The following DYTN variants were observed in gnomAD, a reference collection of about 807,000 sequenced individuals.
DYTN encodes dystrotelin.
DYTN carries 75 observed loss-of-function variants against 69.6 expected under a neutral mutation model. The ratio of observed to expected loss-of-function variants is 1.08; its 90% confidence interval spans 0.89 to 1.31. The LOEUF is 1.31. Among genes scored for constraint, DYTN ranks in the 50% most tolerant of loss-of-function variants. DYTN has a pLI of 0.00. For missense variants in DYTN, 726 were observed against 688.4 expected (o/e 1.05, Z -0.61); for synonymous variants, 252 against 249.1 (o/e 1.01, Z -0.11).
chr2:206,687,875 T>C (rs2105895834), intron 9 of DYTN, among the ~76,000 whole-genome samples: 1 of 152,352 alleles, frequency 6.6e-6, no homozygotes. Context: ...TTGGTCATAG[T>C]AGTTTTATAG....
intron 10 of DYTN, 101 bp from the exon 11 acceptor site, chr2:206,663,496 A>G: frequency 7.8e-7 from 1 of 1,282,842 alleles, no homozygotes; most frequent in Middle Eastern, 2.5e-4. Context: ...CTAATGCAAG[A>G]CTTTTCTTTC....
At position 206,704,955 on chromosome 2, in the gene DYTN, G is replaced by A; in HGVS notation, c.383-12C>T. The A allele has an allele frequency of 6.2e-7, 1 of 1,606,180 alleles. No homozygotes were observed. The highest frequency in any genetic ancestry group is 8.5e-7 in the Non-Finnish European group (1 of 1,173,754). ...GAGTTGAAAAAGAGCTAGACATGTA[G>A]GAGGAACAATCTTTAAATTGAATAC... is the stretch of plus-strand genomic sequence containing the variant. On this transcript the variant is annotated splice_polypyrimidine_tract_variant and intron_variant, in intron 4 of 11. Transcript: ENST00000452335.
chr2:206,705,079 A>C (rs16838630), intron 4 of DYTN, 136 bp from the exon 5 acceptor site: 221,318 of 721,180 alleles, frequency 0.31, 35,343 homozygotes, highest in East Asian at 0.47. Flanking sequence ...ATTATTGGCT[A>C]GCTATTATGA....
At position 206,693,249 on chromosome 2, in the gene DYTN, C is replaced by T. The variant is rs749519170; in HGVS notation, c.906G>A (p.Lys302=). Reference sequence around the variant, plus strand: ...GCTGCTGCCTTCTCGCTGCTTCTTTCTTCCTACAGCGCCCCTGAAGAAGGT... The same window carrying T: ...GCTGCTGCCTTCTCGCTGCTTCTTTTTTCCTACAGCGCCCCTGAAGAAGGT... The part of the protein sequence containing the change: ...RNNLLQGRCR[K]KEAARRQQLL... Residue 302 remains lysine, a synonymous_variant, in exon 9 of 12, where the codon AAG becomes AAA. Transcript: ENST00000452335. The T allele has an allele frequency of 2.1e-5, 34 of 1,613,578 alleles. No homozygotes were observed. The Admixed American group carries it at 5.2e-4, about 25-fold the overall frequency.
chr2:206,662,434 A>G (rs1699521987), intron 11 of DYTN, among the ~76,000 whole-genome samples: 1 of 152,124 alleles, frequency 6.6e-6, no homozygotes, highest in South Asian at 2.1e-4. Context: ...GATCTTATCT[A>G]AAGCCTTCAG....
chr2:206,708,871 T>C (rs2105901881), intron 2 of DYTN, among the ~76,000 whole-genome samples: 1 of 152,360 alleles, frequency 6.6e-6, no homozygotes, highest in Non-Finnish European at 1.5e-5. Flanking sequence ...TCACTGTTTC[T>C]GATGCCAGAG....
At chr2:206,662,556 T>C (rs1250758277) in intron 11 of DYTN, among the ~76,000 whole-genome samples, 2 of 151,992 alleles carry the variant, frequency 1.3e-5, no homozygotes, top group Non-Finnish European at 2.9e-5. Flanking sequence ...ATTATCACCA[T>C]TTTTAAATGG....
chr2:206,673,296 C>T (rs896909423), intron 9 of DYTN, among the ~76,000 whole-genome samples: 2 of 152,118 alleles, frequency 1.3e-5, no homozygotes, highest in East Asian at 1.9e-4. Flanking sequence ...CTTGCTCTGT[C>T]GCCTAGGCTG....
In DYTN at chr2:206,699,874, A is replaced by C; in HGVS notation, c.572T>G (p.Ile191Ser). Reference protein sequence around the residue: ...SCFQGVLSPAIKEEKFLSWVQ... With the variant: ...SCFQGVLSPASKEEKFLSWVQ... ...CCAAGACAGGAATTTTTCTTCTTTG[A>C]TTGCTGGGCTCAACACCTGAAAAAC... Residue 191 changes from isoleucine (I) to serine (S), a missense_variant, in exon 7 of 12, where the codon ATC (isoleucine) becomes AGC (serine). By Grantham distance (142) the Ile-to-Ser change is moderately radical. Transcript: ENST00000452335. 6.2e-7 allele frequency: 1 copy of C among 1,613,306 alleles called. No homozygotes were observed. The highest frequency in any genetic ancestry group is 2.2e-5 in the East Asian group (1 of 44,854).
At chr2:206,685,057 A>G (rs1699790517) in intron 9 of DYTN, among the ~76,000 whole-genome samples, 1 of 152,238 alleles carries the variant, frequency 6.6e-6, no homozygotes, top group South Asian at 2.1e-4. Flanking sequence ...ACAGCCTGGG[A>G]GGCCTTCAGC....
intron 9 of DYTN, among the ~76,000 whole-genome samples, chr2:206,666,524 T>C (rs1302024721): frequency 6.6e-6 from 1 of 152,160 alleles, no homozygotes; most frequent in Non-Finnish European, 1.5e-5. Context: ...AATAGGAATA[T>C]TGACTTTATA....
At position 206,667,398 on chromosome 2, in the gene DYTN, A is replaced by C. The variant is rs1198462871; in HGVS notation, c.981-1369T>G. Among the ~76,000 whole-genome samples the C allele has an allele frequency of 2.0e-5, 3 of 151,986 alleles. No individual in the cohort carries two copies. The East Asian group carries it at 5.8e-4, about 29-fold the overall frequency. On this transcript the variant is annotated intron_variant, in intron 9 of 11. Transcript: ENST00000452335. ...TCAGTTCCCTCCCCAACCTCCTTCA[A>C]GTCTTTGCTCTCAAGGCGCCTTTTC... is the stretch of plus-strand genomic sequence containing the variant.
At chr2:206,665,471 A>ATTCATT (rs774675903) in intron 10 of DYTN, among the ~76,000 whole-genome samples, 559 of 148,982 alleles carry the variant, frequency 3.8e-3, no homozygotes, top group Middle Eastern at 0.01. Flanking sequence ...ATTTTCATTC[A>ATTCATT]TTCATTTTCA....
chr2:206,715,274 G>A (rs1700116115), intron 1 of DYTN, among the ~76,000 whole-genome samples: 1 of 152,102 alleles, frequency 6.6e-6, no homozygotes, highest in Non-Finnish European at 1.5e-5. Flanking sequence ...TGGAGAAACT[G>A]GGTGCCTGTC....
At chr2:206,686,092 T>G (rs1041308882) in intron 9 of DYTN, among the ~76,000 whole-genome samples, 1 of 152,174 alleles carries the variant, frequency 6.6e-6, no homozygotes, top group Non-Finnish European at 1.5e-5. Context: ...ACAGACCCTT[T>G]GCTGTGGGGA....
chr2:206,717,403 C>G (rs1700139983), intron 1 of DYTN, among the ~76,000 whole-genome samples: 1 of 152,188 alleles, frequency 6.6e-6, no homozygotes, highest in African/African-American at 2.4e-5. Flanking sequence ...ACCTGGGAAC[C>G]TGTTAGAAAT....
intron 1 of DYTN, among the ~76,000 whole-genome samples, chr2:206,717,328 A>G (rs1264859482): frequency 6.6e-6 from 1 of 152,176 alleles, no homozygotes; most frequent in Non-Finnish European, 1.5e-5. Flanking sequence ...TAGTTCAATG[A>G]TCCAAAATAG....
intron 2 of DYTN, among the ~76,000 whole-genome samples, chr2:206,707,739 T>C (rs1445300768): frequency 3.9e-5 from 6 of 152,154 alleles, no homozygotes; most frequent in African/African-American, 1.4e-4. Context: ...AAAGCATAGT[T>C]GTAACATTAT....
At chr2:206,660,333 T>C (rs1157270892) in intron 11 of DYTN, among the ~76,000 whole-genome samples, 1 of 152,172 alleles carries the variant, frequency 6.6e-6, no homozygotes, top group Admixed American at 6.5e-5. Flanking sequence ...TAGCTTTAAG[T>C]ATTAAACTGC....
Sources: gnomAD v4.1 joint callset for allele counts (sites outside exome capture counted in the v4.1 genomes callset) on GRCh38, gnomAD v4.1.1 for gene constraint, MANE v1.5 for transcripts, NCBI Gene and HGNC (gene_info 2026-07-23, HGNC 2026-07-21) for gene names.